Variants in SORCS2 observed in about 807,000 individuals in gnomAD.
SORCS2 encodes the protein sortilin related VPS10 domain containing receptor 2, also known as VPS10 domain-containing receptor SorCS2.
In SORCS2, 100 loss-of-function variants were observed where a neutral mutation model predicts 141.6. The observed-to-expected ratio is 0.71, with a 90% confidence interval of 0.60 to 0.83. The LOEUF (loss-of-function observed/expected upper bound fraction) is 0.83. SORCS2 is among the 40% of genes least tolerant of loss of function. The pLI is 0.00. For synonymous variants in SORCS2, 789 were observed against 676.9 expected (o/e 1.17, Z -2.57); for missense variants, 1,646 against 1,560.2 (o/e 1.05, Z -0.93).
At chr4:7,577,702 G>A (rs1375542154) in intron 3 of SORCS2, among the ~76,000 whole-genome samples, 1 of 149,804 alleles carries the variant, frequency 6.7e-6, no homozygotes, top group Non-Finnish European at 1.5e-5. Context: ...GCCATGGTTT[G>A]GAGAAGTTAT....
chr4:7,593,705 G>A (rs1157856386), intron 3 of SORCS2, among the ~76,000 whole-genome samples: 1 of 152,230 alleles, frequency 6.6e-6, no homozygotes, highest in Non-Finnish European at 1.5e-5. Flanking sequence ...CGGAGCAGAT[G>A]TTGGCAGTTA....
At chr4:7,492,194 C>T (rs1048363928) in intron 2 of SORCS2, among the ~76,000 whole-genome samples, 11 of 152,270 alleles carry the variant, frequency 7.2e-5, no homozygotes, top group African/African-American at 2.7e-4. Context: ...CTCCCGCCAC[C>T]TGTAAATACA....
intron 4 of SORCS2, among the ~76,000 whole-genome samples, chr4:7,647,022 C>T (rs577983059): frequency 7.2e-5 from 11 of 152,258 alleles, no homozygotes; most frequent in African/African-American, 1.4e-4. Context: ...CCGGGAGACC[C>T]GGACTCTTAC....
At chr4:7,691,739 G>A (rs912058528) in intron 11 of SORCS2, among the ~76,000 whole-genome samples, 5 of 151,956 alleles carry the variant, frequency 3.3e-5, no homozygotes, top group Non-Finnish European at 7.4e-5. Context: ...TTGGTTTCCC[G>A]GGCTCCTCAA....
At position 7,289,688 on chromosome 4, in the gene SORCS2, GT is replaced by G. The variant is rs1577359403; in HGVS notation, c.480+96566del. 2.0e-5 allele frequency among the ~76,000 whole-genome samples: 3 copies of G among 152,148 alleles called. No individual in the cohort carries two copies. The East Asian group carries it at 5.8e-4, about 29-fold the overall frequency. ...GCTTTTCATTAAAGCTCTGCGGGGAGTTTTCTCCAGTATTAGCATTTTTCAG... is the reference window on the plus strand; with the variant it reads ...GCTTTTCATTAAAGCTCTGCGGGGAGTTTCTCCAGTATTAGCATTTTTCAG... On this transcript the variant is annotated intron_variant, in intron 1 of 26. Transcript: ENST00000507866.
chr4:7,288,310 C>T (rs1041918268), intron 1 of SORCS2, among the ~76,000 whole-genome samples: 3 of 152,086 alleles, frequency 2.0e-5, no homozygotes, highest in Admixed American at 6.5e-5. Context: ...CCCCGTGGTC[C>T]TACCTCCACG....
intron 4 of SORCS2, among the ~76,000 whole-genome samples, chr4:7,645,916 C>A (rs1216657654): frequency 7.2e-5 from 11 of 152,212 alleles, no homozygotes; most frequent in African/African-American, 2.7e-4. Context: ...CCTTCCTGCT[C>A]CCAAGGCCGT....
At chr4:7,370,784 C>G (rs1722200583) in intron 1 of SORCS2, among the ~76,000 whole-genome samples, 1 of 152,312 alleles carries the variant, frequency 6.6e-6, no homozygotes, top group Admixed American at 6.5e-5. Context: ...CTTTACTGGT[C>G]CTCTCTGGCT....
intron 1 of SORCS2, among the ~76,000 whole-genome samples, chr4:7,358,573 G>A (rs755148628): frequency 6.6e-6 from 1 of 152,218 alleles, no homozygotes; most frequent in African/African-American, 2.4e-5. Flanking sequence ...TTCAACTCTT[G>A]AAGTATTGCG....
At position 7,355,597 on chromosome 4, in the gene SORCS2, C is replaced by T. The variant is rs115151935; in HGVS notation, c.481-40691C>T. Among the ~76,000 whole-genome samples the T allele has an allele frequency of 3.2e-3, 483 of 152,042 alleles. 2 individuals carry two copies. The highest frequency in any genetic ancestry group is 0.011 in the African/African-American group (450 of 41,454). The stretch of plus-strand genomic sequence containing the variant: ...GTCCTTCACTTCTCCTGTGTGGGTC[C>T]GAGGGAGAGAGCACGGAGGGCTGAG... On this transcript the variant is annotated intron_variant, in intron 1 of 26. Transcript: ENST00000507866.
intron 1 of SORCS2, among the ~76,000 whole-genome samples, chr4:7,362,529 A>T (rs1721638603): frequency 6.6e-6 from 1 of 152,128 alleles, no homozygotes; most frequent in Admixed American, 6.5e-5. Flanking sequence ...TGGCCATTGG[A>T]CCAGTGCCCA....
rs1647666702 is a variant in SORCS2, at chr4:7,240,100, G to C, written c.480+46974G>C. ...CCCTTCAAAGCTGGGGCCTGGGAGA[G>C]TCCACCTGACGTTGTTGGGCCTCCG... On this transcript the variant is annotated intron_variant, in intron 1 of 26. Coordinates refer to ENST00000507866, the MANE Select transcript of SORCS2 (RefSeq NM_020777.3). Among the ~76,000 whole-genome samples the C allele has an allele frequency of 5.3e-5, 8 of 152,344 alleles. 1 individual carries two copies. The South Asian group carries it at 1.7e-3, about 32-fold the overall frequency.
chr4:7,551,689 T>C (rs1054879381), intron 3 of SORCS2, among the ~76,000 whole-genome samples: 2 of 152,210 alleles, frequency 1.3e-5, no homozygotes, highest in Admixed American at 6.5e-5. Flanking sequence ...GAGGCATGTA[T>C]CCACAACACC....
intron 1 of SORCS2, among the ~76,000 whole-genome samples, chr4:7,301,146 G>C (rs1717406270): frequency 6.6e-6 from 1 of 152,152 alleles, no homozygotes; most frequent in Admixed American, 6.5e-5. Context: ...CTTTCTGGCT[G>C]CCTCTGGATC....
In SORCS2 at chr4:7,725,242, C is replaced by G; in HGVS notation, c.2700C>G (p.Asn900Lys). ...TCACAGCTGTGCTGCTTCCCTTGAA[C>G]CCTAACCTCACCGTCTTCTACTGGT... ...VNLTAVLLPL[N>K]PNLTVFYWWI... The change falls in exon 20 of 27, where the codon AAC becomes AAG. Residue 900 changes from asparagine (N) to lysine (K), a missense_variant. By Grantham distance (94) the Asn-to-Lys change is moderately conservative. Coordinates refer to ENST00000507866, the MANE Select transcript of SORCS2 (RefSeq NM_020777.3). 6.2e-7 allele frequency: 1 copy of G among 1,613,612 alleles called. No homozygotes were observed. The highest frequency in any genetic ancestry group is 8.5e-7 in the Non-Finnish European group (1 of 1,179,648).
At chr4:7,697,145 G>A in intron 11 of SORCS2, 53 bp from the exon 12 acceptor site, 1 of 1,467,100 alleles carries the variant, frequency 6.8e-7, no homozygotes. Context: ...CTTGTTAAAG[G>A]GGTAAAGCTG....
At chr4:7,710,813 C>G (rs1010506759) in intron 14 of SORCS2, among the ~76,000 whole-genome samples, 1 of 152,248 alleles carries the variant, frequency 6.6e-6, no homozygotes, top group African/African-American at 2.4e-5. Flanking sequence ...GGGGCCTTCC[C>G]CTGTCCTTGG....
chr4:7,243,837 C>G (rs1226578610), intron 1 of SORCS2, among the ~76,000 whole-genome samples: 1 of 152,222 alleles, frequency 6.6e-6, no homozygotes, highest in African/African-American at 2.4e-5. Context: ...GTCAGCACCT[C>G]ACCAGGGCAC....
chr4:7,287,527 T>G lies in SORCS2; in HGVS notation c.480+94401T>G, dbSNP rs573970931. On this transcript the variant is annotated intron_variant, in intron 1 of 26. Coordinates refer to ENST00000507866, the MANE Select transcript of SORCS2 (RefSeq NM_020777.3). The stretch of plus-strand genomic sequence containing the variant: ...CTCTTTTGGCAGCAGGAGCCCCTAC[T>G]TCATGGCCACTTGCATTTGGCAGGA... Among the ~76,000 whole-genome samples, 14 of 152,350 alleles carry G rather than the reference T, an allele frequency of 9.2e-5. No individual in the cohort carries two copies. In the South Asian group the frequency reaches 2.1e-3, roughly 23 times the overall value.
Sources: gnomAD v4.1 joint callset for allele counts (sites outside exome capture counted in the v4.1 genomes callset) on GRCh38, gnomAD v4.1.1 for gene constraint, MANE v1.5 for transcripts, NCBI Gene and HGNC (gene_info 2026-07-23, HGNC 2026-07-21) for gene names.